The following ASRGL1 variants were observed in gnomAD, a reference collection of about 807,000 sequenced individuals.
ASRGL1 encodes the protein isoaspartyl peptidase/L-asparaginase.
A neutral mutation model predicts 22.4 loss-of-function variants in ASRGL1; 16 were observed. That is an observed-to-expected ratio of 0.71 (90% CI 0.48 to 1.08). The LOEUF is 1.08. Among genes scored for constraint, ASRGL1 ranks in the 50% least tolerant of loss-of-function variants. ASRGL1 has a pLI of 0.00. For synonymous variants in ASRGL1, 165 were observed against 159.3 expected (o/e 1.04, Z -0.27); for missense variants, 412 against 410.1 (o/e 1.00, Z -0.04).
intron 4 of ASRGL1, among the ~76,000 whole-genome samples, chr11:62,386,395 T>G (rs1325585405): frequency 1.4e-5 from 1 of 69,446 alleles, no homozygotes; most frequent in Non-Finnish European, 4.5e-5. Context: ...TGTATTATTT[T>G]ATTATTGTTA....
intron 4 of ASRGL1, among the ~76,000 whole-genome samples, chr11:62,373,657 C>T (rs1946835638): frequency 6.6e-6 from 1 of 152,258 alleles, no homozygotes; most frequent in South Asian, 2.1e-4. Flanking sequence ...TGCTCGCGTG[C>T]TTCGGAAGCA....
intron 5 of ASRGL1, 53 bp from the exon 6 acceptor site, chr11:62,391,469 G>A (rs932628070): frequency 6.4e-6 from 10 of 1,555,384 alleles, no homozygotes; most frequent in Non-Finnish European, 7.8e-6. Flanking sequence ...CTTCTAATAT[G>A]GATTTGAATT....
At chr11:62,356,028 C>T (rs1946282884) in intron 2 of ASRGL1, among the ~76,000 whole-genome samples, 1 of 152,256 alleles carries the variant, frequency 6.6e-6, no homozygotes, top group African/African-American at 2.4e-5. Flanking sequence ...CTTCCTTCTA[C>T]ACAGACACGG....
At chr11:62,340,674 A>G (rs1945842426) in intron 2 of ASRGL1, among the ~76,000 whole-genome samples, 1 of 152,202 alleles carries the variant, frequency 6.6e-6, no homozygotes, top group Non-Finnish European at 1.5e-5. Context: ...ATATTGAGGA[A>G]GAAAAGAGTA....
chr11:62,398,764 G>A, the ASRGL1 span, among the ~76,000 whole-genome samples: 664 of 152,170 alleles, frequency 4.4e-3, 5 homozygotes, highest in African/African-American at 0.014. Flanking sequence ...ACAATCTTCC[G>A]GGCCATCTTT....
intron 4 of ASRGL1, among the ~76,000 whole-genome samples, chr11:62,374,860 A>G (rs1946871265): frequency 6.6e-6 from 1 of 151,978 alleles, no homozygotes; most frequent in African/African-American, 2.4e-5. Flanking sequence ...CAAAACCACC[A>G]TCTCTGACTC....
intron 5 of ASRGL1, among the ~76,000 whole-genome samples, chr11:62,389,986 A>T (rs547059606): frequency 6.6e-5 from 10 of 152,314 alleles, no homozygotes; most frequent in African/African-American, 1.9e-4. Flanking sequence ...ACTCTCGACA[A>T]TTCTTGATAC....
chr11:62,343,406 A>G (rs1945920708), intron 2 of ASRGL1, among the ~76,000 whole-genome samples: 1 of 146,112 alleles, frequency 6.8e-6, no homozygotes, highest in Non-Finnish European at 1.5e-5. Flanking sequence ...AGGAACTGCC[A>G]AACTTTAACA....
At position 62,356,567 on chromosome 11, in the gene ASRGL1, C is replaced by T. The variant is rs1946302846; in HGVS notation, c.333+100C>T. On this transcript the variant is annotated intron_variant, in intron 3 of 6. Transcript: ENST00000415229. The stretch of plus-strand genomic sequence containing the variant: ...CAGAAATACTTGAGATCACTGTTCT[C>T]CTAAAAATATATACAAAACAGATGC... The T allele has an allele frequency of 3.6e-6, 5 of 1,375,720 alleles. No individual in the cohort carries two copies. In the South Asian group the frequency reaches 3.9e-5, roughly 11 times the overall value. 85.2% of individuals were successfully genotyped at this position (1,375,720 alleles called of 1,614,324 possible).
rs1323566087 is a variant in ASRGL1, at chr11:62,389,192, C to A, written c.551C>A (p.Thr184Asn). 3 of 1,614,160 alleles carry A rather than the reference C, an allele frequency of 1.9e-6. No individual in the cohort carries two copies. The highest frequency in any genetic ancestry group is 3.3e-5 in the Admixed American group (2 of 60,018). Residue 184 changes from threonine to asparagine, a missense_variant, in exon 5 of 7, where the codon ACC becomes AAC. By Grantham distance (65) the Thr-to-Asn change is moderately conservative. Transcript: ENST00000415229. ...LDCKGNVAYA[T>N]STGGIVNKMV... ...TGCAAAGGGAATGTAGCCTACGCAA[C>A]CTCCACAGGCGGTATCGTTAATAAA...
intron 4 of ASRGL1, among the ~76,000 whole-genome samples, chr11:62,388,419 C>G (rs911727650): frequency 6.6e-6 from 1 of 152,130 alleles, no homozygotes; most frequent in South Asian, 2.1e-4. Flanking sequence ...GTAACCCCAG[C>G]ACTTTGGGAG....
intron 4 of ASRGL1, among the ~76,000 whole-genome samples, chr11:62,375,787 G>A (rs1946910745): frequency 6.6e-6 from 1 of 151,824 alleles, no homozygotes; most frequent in Admixed American, 6.6e-5. Context: ...CTGCAGGCAT[G>A]GGGAGACTTA....
chr11:62,360,185 G>T (rs1362473557), intron 4 of ASRGL1, among the ~76,000 whole-genome samples: 1 of 151,488 alleles, frequency 6.6e-6, no homozygotes, highest in East Asian at 1.9e-4. Flanking sequence ...GCGCCACCAC[G>T]CCTGGGTAAT....
At position 62,338,248 on chromosome 11, in the gene ASRGL1, A is replaced by C. The variant is rs1447814875; in HGVS notation, c.190+81A>C. ...GAATAAATAGAACCTACATAGTGTTAGGGAATCTAATGAGCTTTGGGGTGA... is the reference window on the plus strand; with the variant it reads ...GAATAAATAGAACCTACATAGTGTTCGGGAATCTAATGAGCTTTGGGGTGA... On this transcript the variant is annotated intron_variant, in intron 2 of 6. Coordinates refer to ENST00000415229, the MANE Select transcript of ASRGL1 (RefSeq NM_001083926.2). The C allele has an allele frequency of 9.7e-6, 13 of 1,339,620 alleles. No homozygotes were observed. In the East Asian group the frequency reaches 2.9e-4, roughly 30 times the overall value. The allele number at this position is 1,339,620 out of a possible 1,614,324, so 83.0% of individuals were successfully genotyped here. A position where few individuals can be genotyped will look rare whatever the true frequency, so the allele number is the denominator to read the frequency against.
chr11:62,352,525 A>G (rs975970119), intron 2 of ASRGL1, among the ~76,000 whole-genome samples: 1 of 151,708 alleles, frequency 6.6e-6, no homozygotes, highest in Non-Finnish European at 1.5e-5. Flanking sequence ...CAGATGTTGC[A>G]GTGAGCCGAG....
At chr11:62,355,981 C>T (rs1946281626) in intron 2 of ASRGL1, among the ~76,000 whole-genome samples, 1 of 152,242 alleles carries the variant, frequency 6.6e-6, no homozygotes. Flanking sequence ...AAGAATTTTT[C>T]TTAGTACAGA....
intron 4 of ASRGL1, among the ~76,000 whole-genome samples, chr11:62,375,962 C>T (rs917460395): frequency 1.3e-5 from 2 of 151,808 alleles, no homozygotes; most frequent in African/African-American, 4.8e-5. Flanking sequence ...ATTAGCTGGG[C>T]GTGGTGGCAC....
rs1016488502 is a variant in ASRGL1 at position 62,393,272 on chromosome 11, A to T, written c.*988A>T. ...TCCTCGGTGGGCAGTATTCCTCTTT[A>T]TCTCTCATTACACTGGAAATGTTAT... On this transcript the variant is annotated 3_prime_UTR_variant, in exon 7 of 7. Coordinates refer to ENST00000415229, the MANE Select transcript of ASRGL1 (RefSeq NM_001083926.2). 6.6e-6 allele frequency: 1 copy of T among 152,064 alleles called. No individual in the cohort carries two copies. Among genetic ancestry groups the T allele is most frequent in the Non-Finnish European group, 1.5e-5 (1 of 68,022 alleles). 9.4% of individuals were successfully genotyped at this position (152,064 alleles called of 1,614,324 possible).
intron 4 of ASRGL1, among the ~76,000 whole-genome samples, chr11:62,386,914 A>G (rs552563063): frequency 1.3e-5 from 2 of 148,380 alleles, no homozygotes; most frequent in African/African-American, 5.0e-5. Context: ...TTTTTCTGAG[A>G]TGGAGTCTCA....
Sources: allele counts gnomAD v4.1 joint callset (sites outside exome capture counted in the v4.1 genomes callset), GRCh38; gene constraint gnomAD v4.1.1; transcripts MANE v1.5; gene names NCBI Gene and HGNC (gene_info 2026-07-23, HGNC 2026-07-21).